The following RAD51B variants were observed in gnomAD, a reference collection of about 807,000 sequenced individuals.
RAD51B encodes the protein DNA repair protein RAD51 homolog 2.
A neutral mutation model predicts 42.2 loss-of-function variants in RAD51B; 38 were observed. That is an observed-to-expected ratio of 0.90 (90% CI 0.70 to 1.18). The LOEUF (loss-of-function observed/expected upper bound fraction) is 1.18, where lower values mean the gene tolerates loss of function less well. Ranked by LOEUF, RAD51B falls within the 50% of genes most tolerant of loss-of-function variation. The probability of loss-of-function intolerance (pLI) is 0.00; values close to 1 mark genes in which losing one functional copy is unlikely to be tolerated. For missense variants in RAD51B, 373 were observed against 400.7 expected, an observed-to-expected ratio of 0.93 and a Z score of 0.59; for synonymous variants, 154 against 145.2, an observed-to-expected ratio of 1.06 and a Z score of -0.43.
chr14:68,542,848 C>T (rs1273187504), intron 10 of RAD51B, among the ~76,000 whole-genome samples: 3 of 152,148 alleles, frequency 2.0e-5, no homozygotes, highest in East Asian at 1.9e-4. Flanking sequence ...CTTCTCTGTC[C>T]AAACTCAGCC....
chr14:68,261,487 T>C (rs2080888439), intron 7 of RAD51B, among the ~76,000 whole-genome samples: 1 of 152,230 alleles, frequency 6.6e-6, no homozygotes, highest in Non-Finnish European at 1.5e-5. Flanking sequence ...AGTTCAACTG[T>C]GCACTCTCTC....
chr14:68,679,087 T>A (rs894356605), intron 11 of RAD51B, among the ~76,000 whole-genome samples: 5 of 152,186 alleles, frequency 3.3e-5, no homozygotes, highest in Admixed American at 1.3e-4. Context: ...GTAAATATGT[T>A]AGCCAAAGCA....
Position 67,982,862 on chromosome 14 carries a change from G to C in RAD51B, c.756+95658G>C, listed in dbSNP as rs190646002. 2.6e-5 allele frequency among the ~76,000 whole-genome samples: 4 copies of C among 152,094 alleles called. No individual in the cohort carries two copies. In the East Asian group the frequency reaches 7.7e-4, roughly 29 times the overall value. On this transcript the variant is annotated intron_variant, in intron 7 of 10. Coordinates refer to ENST00000471583, the MANE Select transcript of RAD51B (RefSeq NM_133510.4). Reference sequence around the variant, plus strand: ...GAAGATCACTTGAGCCCAGGAATTTGAGACCAGCCCAGGCAACATAGTGAG... The same window carrying C: ...GAAGATCACTTGAGCCCAGGAATTTCAGACCAGCCCAGGCAACATAGTGAG...
intron 7 of RAD51B, among the ~76,000 whole-genome samples, chr14:68,206,935 G>T (rs370490524): frequency 1.3e-5 from 2 of 151,874 alleles, no homozygotes; most frequent in Non-Finnish European, 2.9e-5. Context: ...GACTACAGGC[G>T]CCCGCCAACG....
rs564181894 is a variant in RAD51B, at chr14:67,904,573, C to T, written c.756+17369C>T. ...GTTGCCAGGCTGGTGTGCAGAGGTG[C>T]GATCTCGGCTCACTGCAATCTCTGC... On this transcript the variant is annotated intron_variant, in intron 7 of 10. Transcript: ENST00000471583. 6.3e-5 allele frequency among the ~76,000 whole-genome samples: 9 copies of T among 143,060 alleles called. No homozygotes were observed. The South Asian group carries it at 1.5e-3, about 24-fold the overall frequency. The allele number at this position is 143,060 out of a possible 152,430, so 93.9% of individuals were successfully genotyped here.
chr14:68,185,198 G>A (rs1336581152), intron 7 of RAD51B, among the ~76,000 whole-genome samples: 2 of 152,022 alleles, frequency 1.3e-5, no homozygotes, highest in African/African-American at 4.8e-5. Context: ...CTACCTCATA[G>A]GGTTTCTATG....
At chr14:67,970,636 G>A (rs2074878178) in intron 7 of RAD51B, among the ~76,000 whole-genome samples, 1 of 151,838 alleles carries the variant, frequency 6.6e-6, no homozygotes, top group Non-Finnish European at 1.5e-5. Context: ...CACTTTTTGT[G>A]ATGTTAACCT....
At chr14:68,457,423 T>C (rs1458388949) in intron 9 of RAD51B, among the ~76,000 whole-genome samples, 1 of 152,196 alleles carries the variant, frequency 6.6e-6, no homozygotes, top group African/African-American at 2.4e-5. Context: ...TAGGGAAATA[T>C]ACAGTTTAAA....
At chr14:68,590,952 C>T (rs1890714163) in intron 10 of RAD51B, among the ~76,000 whole-genome samples, 1 of 152,192 alleles carries the variant, frequency 6.6e-6, no homozygotes, top group African/African-American at 2.4e-5. Context: ...ACTGCTCCTA[C>T]CTGAGATGGG....
rs564581506 is a variant in RAD51B at position 68,372,685 on chromosome 14, T to C, written c.854-38739T>C. On this transcript the variant is annotated intron_variant, in intron 8 of 10. Transcript: ENST00000471583. ...AGGGAAGAAAGTTCTGTTTGGCTCT[T>C]TTGGGGACTCCAGAAGAAAAGTAAA... 1.1e-4 allele frequency among the ~76,000 whole-genome samples: 17 copies of C among 152,284 alleles called. 1 individual carries two copies. Among genetic ancestry groups the C allele is most frequent in the South Asian group, 1.0e-3 (5 of 4,828 alleles).
At chr14:67,928,134 T>G (rs1008221324) in intron 7 of RAD51B, among the ~76,000 whole-genome samples, 1 of 152,168 alleles carries the variant, frequency 6.6e-6, no homozygotes, top group Admixed American at 6.5e-5. Flanking sequence ...AGTACTGGGC[T>G]TTTTTTCTTG....
At chr14:67,897,274 A>G (rs1308553004) in intron 7 of RAD51B, among the ~76,000 whole-genome samples, 2 of 152,210 alleles carry the variant, frequency 1.3e-5, no homozygotes, top group Non-Finnish European at 2.9e-5. Context: ...AAGCTTCTGC[A>G]TAGCAAAGGA....
At chr14:67,899,092 G>A (rs559401520) in intron 7 of RAD51B, among the ~76,000 whole-genome samples, 69 of 152,078 alleles carry the variant, frequency 4.5e-4, no homozygotes, top group Non-Finnish European at 6.5e-4. Flanking sequence ...GCCCAGGCTG[G>A]AGTGCAGTGG....
At chr14:67,831,589 T>C (rs552310983) in intron 3 of RAD51B, among the ~76,000 whole-genome samples, 2 of 152,290 alleles carry the variant, frequency 1.3e-5, no homozygotes, top group South Asian at 4.1e-4. Context: ...CAGGCTGGAG[T>C]GCAGTGGCGT....
At chr14:68,631,493 G>A (rs143440547) in intron 10 of RAD51B, among the ~76,000 whole-genome samples, 82 of 152,238 alleles carry the variant, frequency 5.4e-4, no homozygotes, top group African/African-American at 1.8e-3. Context: ...CTCGGAAGCC[G>A]GGGACAGGCC....
intron 8 of RAD51B, among the ~76,000 whole-genome samples, chr14:68,403,311 T>C (rs2084169192): frequency 7.9e-6 from 1 of 127,292 alleles, no homozygotes; most frequent in African/African-American, 2.6e-5. Flanking sequence ...CTTTGTTTTT[T>C]TGACTTTTTT....
intron 8 of RAD51B, chr14:68,306,608 A>G (rs978090193): frequency 7.8e-6 from 4 of 515,294 alleles, no homozygotes; most frequent in African/African-American, 7.7e-5. Flanking sequence ...CACAGTGAGC[A>G]TGGAAGAAAT....
At chr14:68,437,636 T>C (rs1430797527) in intron 9 of RAD51B, among the ~76,000 whole-genome samples, 1 of 152,206 alleles carries the variant, frequency 6.6e-6, no homozygotes, top group East Asian at 1.9e-4. Flanking sequence ...TCTGGGTACA[T>C]ATGTGTGCCA....
chr14:68,411,201 C>T (rs1371620003), intron 8 of RAD51B, among the ~76,000 whole-genome samples: 1 of 152,140 alleles, frequency 6.6e-6, no homozygotes, highest in Non-Finnish European at 1.5e-5. Flanking sequence ...TTATTTGGCC[C>T]AGTGGTGGTC....
Sources: gnomAD v4.1 joint callset for allele counts (sites outside exome capture counted in the v4.1 genomes callset) on GRCh38, gnomAD v4.1.1 for gene constraint, MANE v1.5 for transcripts, NCBI Gene and HGNC (gene_info 2026-07-23, HGNC 2026-07-21) for gene names.